The following ANKS1B variants were observed in gnomAD, a reference collection of about 807,000 sequenced individuals.
ANKS1B encodes ankyrin repeat and sterile alpha motif domain-containing protein 1B.
A neutral mutation model predicts 148.3 loss-of-function variants in ANKS1B; 36 were observed. The ratio of observed to expected loss-of-function variants is 0.24; its 90% confidence interval spans 0.19 to 0.32. ANKS1B has a LOEUF of 0.32. Ranked by LOEUF, ANKS1B falls within the 10% of genes least tolerant of loss-of-function variation. The pLI is 1.00. For synonymous variants in ANKS1B, 542 were observed against 560.8 expected, an observed-to-expected ratio of 0.97 and a Z score of 0.47; for missense variants, 1,157 against 1,542.6, an observed-to-expected ratio of 0.75 and a Z score of 4.19.
intron 15 of ANKS1B, among the ~76,000 whole-genome samples, chr12:99,085,391 A>C (rs1185871892): frequency 6.6e-6 from 1 of 151,974 alleles, no homozygotes; most frequent in Non-Finnish European, 1.5e-5. Flanking sequence ...CAAAAAAAAA[A>C]ACTTTGTTTC....
chr12:99,942,383 A>T (rs534036045), intron 1 of ANKS1B, among the ~76,000 whole-genome samples: 98 of 152,314 alleles, frequency 6.4e-4, no homozygotes, highest in Non-Finnish European at 1.2e-3. Context: ...CAGAGTGATA[A>T]GGGAAAACTC....
intron 9 of ANKS1B, among the ~76,000 whole-genome samples, chr12:99,653,780 C>T (rs1024019887): frequency 1.3e-5 from 2 of 150,496 alleles, no homozygotes; most frequent in Non-Finnish European, 3.0e-5. Flanking sequence ...CCTCCCATCT[C>T]AGCCTCCTGA....
chr12:99,646,764 T>C (rs2098372312), intron 9 of ANKS1B, among the ~76,000 whole-genome samples: 1 of 150,756 alleles, frequency 6.6e-6, no homozygotes, highest in Non-Finnish European at 1.5e-5. Flanking sequence ...TCAATAAAGA[T>C]ATTATAATCT....
chr12:98,918,317 T>C (rs774939185), intron 17 of ANKS1B, among the ~76,000 whole-genome samples: 59 of 152,250 alleles, frequency 3.9e-4, no homozygotes, highest in Non-Finnish European at 7.1e-4. Context: ...AAAGGAGTGA[T>C]GAAGTACAGT....
intron 1 of ANKS1B, among the ~76,000 whole-genome samples, chr12:99,954,458 T>C (rs1034706518): frequency 5.3e-5 from 8 of 152,222 alleles, no homozygotes; most frequent in African/African-American, 1.9e-4. Flanking sequence ...CCATGCATAG[T>C]AGTTCACATT....
chr12:99,620,316 A>G (rs1163646298), intron 9 of ANKS1B, among the ~76,000 whole-genome samples: 1 of 152,234 alleles, frequency 6.6e-6, no homozygotes, highest in African/African-American at 2.4e-5. Context: ...TTCTGGCACC[A>G]TGAAAAATCT....
chr12:99,860,536 AT>A (rs932227982), intron 1 of ANKS1B, among the ~76,000 whole-genome samples: 10 of 152,186 alleles, frequency 6.6e-5, no homozygotes, highest in Non-Finnish European at 1.2e-4. Context: ...TCAGATTTAT[AT>A]TTTTTAGAAA....
At chr12:99,417,089 A>AT (rs1014102037) in intron 11 of ANKS1B, among the ~76,000 whole-genome samples, 1 of 152,036 alleles carries the variant, frequency 6.6e-6, no homozygotes, top group Non-Finnish European at 1.5e-5. Flanking sequence ...AGGACAATTT[A>AT]TTTTTTTATG....
chr12:99,233,789 T>A (rs976251321), intron 14 of ANKS1B, among the ~76,000 whole-genome samples: 2 of 152,124 alleles, frequency 1.3e-5, no homozygotes, highest in Non-Finnish European at 2.9e-5. Flanking sequence ...GGAAACTGAT[T>A]TCTATTAGTA....
chr12:99,276,326 T>G (rs995456431), intron 12 of ANKS1B, among the ~76,000 whole-genome samples: 1 of 152,086 alleles, frequency 6.6e-6, no homozygotes, highest in African/African-American at 2.4e-5. Flanking sequence ...GTGACTGTAT[T>G]TGGATATAGG....
chr12:98,897,882 TA>T (rs2099767020), intron 17 of ANKS1B, among the ~76,000 whole-genome samples: 1 of 152,164 alleles, frequency 6.6e-6, no homozygotes, highest in Non-Finnish European at 1.5e-5. Flanking sequence ...TATGCAGCCA[TA>T]AAAAAGAATG....
chr12:98,792,366 T>A (rs1357547227), intron 22 of ANKS1B, among the ~76,000 whole-genome samples: 1 of 152,206 alleles, frequency 6.6e-6, no homozygotes, highest in Non-Finnish European at 1.5e-5. Flanking sequence ...CAATGTGATG[T>A]TTCAATATAT....
chr12:99,829,752 C>G (rs2083694027), intron 1 of ANKS1B, among the ~76,000 whole-genome samples: 1 of 152,130 alleles, frequency 6.6e-6, no homozygotes, highest in African/African-American at 2.4e-5. Context: ...AATGCTTGAA[C>G]CTGGGAGGCA....
intron 17 of ANKS1B, among the ~76,000 whole-genome samples, chr12:99,024,755 A>C (rs2099947796): frequency 6.6e-6 from 1 of 152,146 alleles, no homozygotes; most frequent in South Asian, 2.1e-4. Context: ...CTCAGTTAGG[A>C]GCGTACTTTA....
chr12:99,355,945 A>G (rs2091933296), intron 12 of ANKS1B, among the ~76,000 whole-genome samples: 2 of 152,144 alleles, frequency 1.3e-5, no homozygotes, highest in Admixed American at 1.3e-4. Context: ...AAATTATAAT[A>G]AAATTATTAA....
chr12:99,634,632 T>A (rs1403972055), intron 9 of ANKS1B, among the ~76,000 whole-genome samples: 1 of 152,128 alleles, frequency 6.6e-6, no homozygotes, highest in Non-Finnish European at 1.5e-5. Flanking sequence ...ATTCTTCCAA[T>A]CAAAATCTCA....
chr12:99,347,218 C>T (rs1354557142), intron 12 of ANKS1B, among the ~76,000 whole-genome samples: 3 of 152,038 alleles, frequency 2.0e-5, no homozygotes, highest in Non-Finnish European at 4.4e-5. Context: ...CAACCAGCCA[C>T]TGCTACGCCC....
At chr12:99,027,094 T>C (rs1046582636) in intron 17 of ANKS1B, among the ~76,000 whole-genome samples, 6 of 152,204 alleles carry the variant, frequency 3.9e-5, no homozygotes, top group Admixed American at 1.3e-4. Context: ...GAATAAGTTA[T>C]TTATACAGAG....
At chr12:99,592,108 T>C (rs2097708867) in intron 9 of ANKS1B, among the ~76,000 whole-genome samples, 1 of 152,172 alleles carries the variant, frequency 6.6e-6, no homozygotes. Flanking sequence ...AAGACTGTCA[T>C]TCTGTTCATA....
Sources: gnomAD v4.1 joint callset for allele counts (sites outside exome capture counted in the v4.1 genomes callset) on GRCh38, gnomAD v4.1.1 for gene constraint, MANE v1.5 for transcripts, NCBI Gene and HGNC (gene_info 2026-07-23, HGNC 2026-07-21) for gene names.